Variants in STARD13 observed in about 807,000 individuals in gnomAD.
STARD13 encodes StAR related lipid transfer domain containing 13, also known as stAR-related lipid transfer protein 13.
In STARD13, 62 loss-of-function variants were observed where a neutral mutation model predicts 106.4. The ratio of observed to expected loss-of-function variants is 0.58; its 90% CI spans 0.48 to 0.72. The LOEUF (loss-of-function observed/expected upper bound fraction) is 0.72. STARD13 is among the 30% of genes least tolerant of loss of function. The probability of loss-of-function intolerance (pLI) is 0.00; values close to 1 mark genes in which losing one functional copy is unlikely to be tolerated. For missense variants in STARD13, 1,387 were observed against 1,424.0 expected, an observed-to-expected ratio of 0.97 and a Z score of 0.42; for synonymous variants, 565 against 553.0, an observed-to-expected ratio of 1.02 and a Z score of -0.31.
At chr13:33,360,612 A>C in the STARD13 span, among the ~76,000 whole-genome samples, 1 of 84,346 alleles carries the variant, frequency 1.2e-5, no homozygotes, top group Non-Finnish European at 2.5e-5. Context: ...AATGGAAATT[A>C]CTTTTATTAT....
At chr13:33,275,354 A>G (rs1041072799) in intron 1 of STARD13, among the ~76,000 whole-genome samples, 2 of 152,228 alleles carry the variant, frequency 1.3e-5, no homozygotes, top group African/African-American at 4.8e-5. Flanking sequence ...GAAGGGTCAT[A>G]TGTACATGGA....
intron 1 of STARD13, among the ~76,000 whole-genome samples, chr13:33,244,265 A>G (rs1369138294): frequency 6.6e-6 from 1 of 152,008 alleles, no homozygotes; most frequent in African/African-American, 2.4e-5. Flanking sequence ...CTCAAGAGAT[A>G]GGAAACTAAA....
the STARD13 span, among the ~76,000 whole-genome samples, chr13:33,403,550 T>A: frequency 1.4e-4 from 22 of 152,342 alleles, no homozygotes; most frequent in Admixed American, 1.2e-3. Flanking sequence ...CACTTGTAGA[T>A]AGCATGGTAT....
intron 8 of STARD13, among the ~76,000 whole-genome samples, chr13:33,114,727 A>G (rs1875112312): frequency 6.6e-6 from 1 of 152,034 alleles, no homozygotes; most frequent in South Asian, 2.1e-4. Flanking sequence ...ATTTTTTCCC[A>G]GCCATCATTT....
the STARD13 span, among the ~76,000 whole-genome samples, chr13:33,419,947 C>T: frequency 1.8e-4 from 28 of 152,292 alleles, no homozygotes; most frequent in East Asian, 5.2e-3. Context: ...ACAAGAGCTC[C>T]TGAAGGAAGC....
At chr13:33,624,464 C>CT in the STARD13 span, among the ~76,000 whole-genome samples, 1 of 152,214 alleles carries the variant, frequency 6.6e-6, no homozygotes, top group Admixed American at 6.5e-5. Flanking sequence ...GAAAACAGCA[C>CT]TATCAGCATT....
At chr13:33,276,579 G>C (rs1320805593) in intron 1 of STARD13, 1 of 152,056 alleles carries the variant, frequency 6.6e-6, no homozygotes, top group African/African-American at 2.4e-5. Flanking sequence ...TGTGTCGTTT[G>C]GTGAATATAA....
rs947700295 is a variant in STARD13, at chr13:33,104,490, A to C, written c.*1103T>G. ...TTTTAAGAGTATCCTACACATAACA[A>C]AATATGAATTCCCTGAAGCTGTAAC... On this transcript the variant is annotated 3_prime_UTR_variant, in exon 14 of 14. Transcript: ENST00000336934. 2.6e-5 allele frequency: 4 copies of C among 152,652 alleles called. No individual in the cohort carries two copies. Among genetic ancestry groups the C allele is most frequent in the African/African-American group, 9.6e-5 (4 of 41,454 alleles). 9.5% of individuals were successfully genotyped at this position (152,652 alleles called of 1,614,324 possible).
the STARD13 span, among the ~76,000 whole-genome samples, chr13:33,392,418 G>C: frequency 6.6e-6 from 1 of 151,760 alleles, no homozygotes; most frequent in Non-Finnish European, 1.5e-5. Context: ...TCTTTTTTTT[G>C]AAACAGAGTC....
intron 1 of STARD13, among the ~76,000 whole-genome samples, chr13:33,313,671 A>G (rs1374255587): frequency 2.6e-5 from 4 of 152,182 alleles, no homozygotes; most frequent in Non-Finnish European, 4.4e-5. Context: ...CCTTCACTTT[A>G]TTAAATGAGT....
At chr13:33,383,075 T>G in the STARD13 span, among the ~76,000 whole-genome samples, 1 of 152,206 alleles carries the variant, frequency 6.6e-6, no homozygotes, top group East Asian at 1.9e-4. Context: ...AATTGAAAAA[T>G]GAAATATTGG....
At chr13:33,320,441 G>C (rs1231689168) in intron 1 of STARD13, among the ~76,000 whole-genome samples, 1 of 152,058 alleles carries the variant, frequency 6.6e-6, no homozygotes, top group Non-Finnish European at 1.5e-5. Flanking sequence ...TTGGAAATTT[G>C]ATAGGATTAG....
At chr13:33,564,206 CAAAAAAAAAAAAAA>C in the STARD13 span, among the ~76,000 whole-genome samples, 1 of 53,870 alleles carries the variant, frequency 1.9e-5, no homozygotes, top group Non-Finnish European at 3.9e-5. Context: ...GACTGTATCT[CAAAAAAAAAAAAAA>C]AAAAAAAGAA....
chr13:33,221,689 C>T (rs1888364752), intron 1 of STARD13, among the ~76,000 whole-genome samples: 1 of 152,022 alleles, frequency 6.6e-6, no homozygotes, highest in South Asian at 2.1e-4. Context: ...AGGCCTCTTG[C>T]CAAAAAATTA....
the STARD13 span, among the ~76,000 whole-genome samples, chr13:33,516,936 G>A: frequency 2.7e-5 from 3 of 109,852 alleles, no homozygotes; most frequent in South Asian, 2.8e-4. Flanking sequence ...GCAAGACCTT[G>A]TCTCAGAAAA....
chr13:33,570,828 A>T, the STARD13 span, among the ~76,000 whole-genome samples: 1 of 152,174 alleles, frequency 6.6e-6, no homozygotes, highest in Non-Finnish European at 1.5e-5. Flanking sequence ...CCAACAGCAA[A>T]GGCTATTTAG....
intron 1 of STARD13, among the ~76,000 whole-genome samples, chr13:33,262,046 A>C (rs1038572681): frequency 6.6e-6 from 1 of 152,192 alleles, no homozygotes; most frequent in Non-Finnish European, 1.5e-5. Flanking sequence ...CCCTCTTAGA[A>C]GTGAAGAGAG....
chr13:33,576,426 G>T, the STARD13 span, among the ~76,000 whole-genome samples: 1 of 151,180 alleles, frequency 6.6e-6, no homozygotes, highest in Non-Finnish European at 1.5e-5. Flanking sequence ...TAGAGACAAG[G>T]TCTTGCTACA....
At chr13:33,431,859 A>C in the STARD13 span, among the ~76,000 whole-genome samples, 1 of 152,168 alleles carries the variant, frequency 6.6e-6, no homozygotes, top group Non-Finnish European at 1.5e-5. Context: ...ACCTTCCTCC[A>C]TGGGGTTTAC....
Sources: gnomAD v4.1 joint callset for allele counts (sites outside exome capture counted in the v4.1 genomes callset) on GRCh38, gnomAD v4.1.1 for gene constraint, MANE v1.5 for transcripts, NCBI Gene and HGNC (gene_info 2026-07-23, HGNC 2026-07-21) for gene names.